Variants in TATDN1 observed in about 807,000 individuals in gnomAD.
TATDN1 encodes the protein deoxyribonuclease TATDN1.
TATDN1 carries 40 observed loss-of-function variants against 46.4 expected under a neutral mutation model. The ratio of observed to expected loss-of-function variants is 0.86; its 90% CI spans 0.67 to 1.12. The LOEUF (loss-of-function observed/expected upper bound fraction) is 1.12, where lower values mean the gene tolerates loss of function less well. TATDN1 is among the 50% of genes most tolerant of loss of function. TATDN1 has a pLI of 0.00. For synonymous variants in TATDN1, 95 were observed against 105.6 expected, an observed-to-expected ratio of 0.90 and a Z score of 0.62; for missense variants, 326 against 348.4, an observed-to-expected ratio of 0.94 and a Z score of 0.51.
At chr8:124,534,054 G>A (rs1351934897) in intron 1 of TATDN1, among the ~76,000 whole-genome samples, 1 of 147,900 alleles carries the variant, frequency 6.8e-6, no homozygotes, top group African/African-American at 2.5e-5. Context: ...GCTGAGGCAG[G>A]AGAATGGCGT....
rs1310008726 is a variant in TATDN1, at chr8:124,506,196, G to A, written c.517-1849C>T. On this transcript the variant is annotated intron_variant, in intron 8 of 11. Transcript: ENST00000276692. ...CTGAAAATACAAAAATTAGCCAGGCGTGGTGGTGCGTGCCTGTAGCCCCAG... is the reference window on the plus strand; with the variant it reads ...CTGAAAATACAAAAATTAGCCAGGCATGGTGGTGCGTGCCTGTAGCCCCAG... Among the ~76,000 whole-genome samples, 13 of 151,596 alleles carry A rather than the reference G, an allele frequency of 8.6e-5. 1 individual carries two copies. The highest frequency in any genetic ancestry group is 3.2e-4 in the African/African-American group (13 of 41,220).
At chr8:124,525,471 C>T (rs1232211086) in intron 1 of TATDN1, among the ~76,000 whole-genome samples, 1 of 152,082 alleles carries the variant, frequency 6.6e-6, no homozygotes, top group Non-Finnish European at 1.5e-5. Context: ...CTTGTACCCT[C>T]GCACTGCTGG....
chr8:124,510,030 C>CAAAA (rs60271665), intron 6 of TATDN1, among the ~76,000 whole-genome samples: 88 of 110,176 alleles, frequency 8.0e-4, no homozygotes, highest in Admixed American at 1.1e-3. Flanking sequence ...CATTCTGTCT[C>CAAAA]AAAAAAAAAA....
At chr8:124,533,757 G>A (rs1821177792) in intron 1 of TATDN1, among the ~76,000 whole-genome samples, 1 of 151,960 alleles carries the variant, frequency 6.6e-6, no homozygotes, top group African/African-American at 2.4e-5. Context: ...TTGGTCGAGG[G>A]GGGTTCTGTT....
intron 9 of TATDN1, among the ~76,000 whole-genome samples, chr8:124,498,719 C>T (rs993560880): frequency 6.6e-5 from 10 of 152,094 alleles, no homozygotes; most frequent in African/African-American, 2.2e-4. Flanking sequence ...GGTGCAATCT[C>T]GGCTCACTGC....
At chr8:124,529,618 G>T (rs1051154538) in intron 1 of TATDN1, among the ~76,000 whole-genome samples, 1 of 152,206 alleles carries the variant, frequency 6.6e-6, no homozygotes, top group South Asian at 2.1e-4. Flanking sequence ...ATTAGCAGAT[G>T]TATTCATGCG....
chr8:124,501,315 C>T (rs1817943970), intron 9 of TATDN1, among the ~76,000 whole-genome samples: 1 of 152,190 alleles, frequency 6.6e-6, no homozygotes, highest in South Asian at 2.1e-4. Flanking sequence ...AGAAAAAGAT[C>T]TCTACAAACT....
chr8:124,534,791 G>T (rs951849900), intron 1 of TATDN1, among the ~76,000 whole-genome samples: 54 of 152,318 alleles, frequency 3.5e-4, no homozygotes, highest in African/African-American at 1.2e-3. Context: ...ACAAGCAGTA[G>T]GTTCCCAGGT....
chr8:124,522,692 T>C (rs1820153053), intron 2 of TATDN1, among the ~76,000 whole-genome samples: 1 of 152,200 alleles, frequency 6.6e-6, no homozygotes, highest in South Asian at 2.1e-4. Flanking sequence ...GTGCTGGGAT[T>C]ACAGGCATGA....
At chr8:124,489,375 CTTCCT>C (rs1053185556) in intron 11 of TATDN1, 2 of 151,650 alleles carry the variant, frequency 1.3e-5, no homozygotes, top group Non-Finnish European at 2.9e-5. Flanking sequence ...CCTTCCCTCC[CTTCCT>C]TTCCTTTCTT....
intron 1 of TATDN1, among the ~76,000 whole-genome samples, chr8:124,537,083 A>G (rs1821492755): frequency 6.6e-6 from 1 of 152,192 alleles, no homozygotes; most frequent in South Asian, 2.1e-4. Context: ...CACCTTCTTT[A>G]AGAAGTCTTT....
chr8:124,492,983 A>C (rs1817154235), intron 11 of TATDN1, among the ~76,000 whole-genome samples: 2 of 152,288 alleles, frequency 1.3e-5, no homozygotes, highest in African/African-American at 4.8e-5. Context: ...TTGTCAGCTC[A>C]AGCATGTTAA....
intron 4 of TATDN1, chr8:124,518,610 T>C (rs538482951): frequency 8.9e-5 from 43 of 483,150 alleles, no homozygotes; most frequent in Non-Finnish European, 1.3e-4. Flanking sequence ...ATAATCTTCA[T>C]TGAGCAGTAT....
chr8:124,522,220 T>G lies in TATDN1; in HGVS notation c.89-20A>C. ...AGTCATCTGTAAAAGATAAACTCTG[T>G]ATTATGAAAACCTGGCAGACAAAAA... On this transcript the variant is annotated intron_variant, in intron 2 of 11. Coordinates refer to ENST00000276692, the MANE Select transcript of TATDN1 (RefSeq NM_032026.4). 6.5e-7 allele frequency: 1 copy of G among 1,545,470 alleles called. No individual in the cohort carries two copies. The highest frequency in any genetic ancestry group is 8.8e-7 in the Non-Finnish European group (1 of 1,139,934).
In TATDN1 at chr8:124,500,648, G is replaced by A. The variant is rs575856434; in HGVS notation, c.593+3623C>T. 8.8e-4 allele frequency among the ~76,000 whole-genome samples: 133 copies of A among 150,660 alleles called. 1 individual carries two copies. The highest frequency in any genetic ancestry group is 2.7e-3 in the East Asian group (14 of 5,118). ...CAGGAGGTCGGGGCTACAGTAAGTC[G>A]TCCAGCCTGAGAGGCAGAGTGAGAC... On this transcript the variant is annotated intron_variant, in intron 9 of 11. Coordinates refer to ENST00000276692, the MANE Select transcript of TATDN1 (RefSeq NM_032026.4).
rs1014150489 is a variant in TATDN1, at chr8:124,515,975, C to T, written c.258G>A (p.Lys86=). ...CCTTTAAGTAAAGATCAGGGTTATTCTTTTCAAATTCACCACATCTTGTAG... is the reference window on the plus strand; with the variant it reads ...CCTTTAAGTAAAGATCAGGGTTATTTTTTTCAAATTCACCACATCTTGTAG... ...CHPTRCGEFE[K]NNPDLYLKEL... is the part of the protein sequence containing the mutation. The change falls in exon 5 of 12, where the codon AAG becomes AAA. Residue 86 remains lysine, a synonymous_variant. Transcript: ENST00000276692. The T allele has an allele frequency of 1.2e-6, 2 of 1,613,796 alleles. No homozygotes were observed. The highest frequency in any genetic ancestry group is 2.7e-5 in the African/African-American group (2 of 75,030).
intron 1 of TATDN1, among the ~76,000 whole-genome samples, chr8:124,528,313 A>T (rs1476683810): frequency 6.6e-6 from 1 of 152,096 alleles, no homozygotes; most frequent in South Asian, 2.1e-4. Context: ...AGCTGAGACT[A>T]CAGGCGCCTG....
At chr8:124,505,047 G>A (rs1020305360) in intron 8 of TATDN1, among the ~76,000 whole-genome samples, 3 of 150,780 alleles carry the variant, frequency 2.0e-5, no homozygotes, top group Non-Finnish European at 3.0e-5. Context: ...GAGCCACCGC[G>A]CCTGGCCGAG....
intron 11 of TATDN1, chr8:124,489,272 G>A (rs952441810): frequency 6.6e-6 from 1 of 152,300 alleles, no homozygotes; most frequent in African/African-American, 2.4e-5. Context: ...GGTTATTGAG[G>A]GCGAGGGCTT....
Sources: gnomAD v4.1 joint callset for allele counts (sites outside exome capture counted in the v4.1 genomes callset) on GRCh38, gnomAD v4.1.1 for gene constraint, MANE v1.5 for transcripts, NCBI Gene and HGNC (gene_info 2026-07-23, HGNC 2026-07-21) for gene names.